Variants in OR9Q1 observed in about 807,000 individuals in gnomAD.
The protein encoded by OR9Q1 is olfactory receptor 9Q1.
For missense variants in OR9Q1, 374 were observed against 378.8 expected (o/e 0.99, Z 0.11); for synonymous variants, 153 against 148.6 (o/e 1.03, Z -0.22).
chr11:58,143,729 T>C (rs1362343581), intron 2 of OR9Q1, among the ~76,000 whole-genome samples: 1 of 151,934 alleles, frequency 6.6e-6, no homozygotes, highest in South Asian at 2.1e-4. Flanking sequence ...GGGGTGGCAT[T>C]AGGAAAAAAA....
At chr11:58,111,030 A>G (rs1372661606) in intron 2 of OR9Q1, among the ~76,000 whole-genome samples, 1 of 152,178 alleles carries the variant, frequency 6.6e-6, no homozygotes, top group Non-Finnish European at 1.5e-5. Flanking sequence ...TTTTGAGCCT[A>G]GGGATTTCAT....
At chr11:58,162,724 G>T (rs994422922) in intron 2 of OR9Q1, among the ~76,000 whole-genome samples, 2 of 152,166 alleles carry the variant, frequency 1.3e-5, no homozygotes, top group Admixed American at 6.5e-5. Context: ...CCAGGTGAGA[G>T]ACTAATGACA....
At chr11:58,087,365 T>C (rs1329321052) in intron 2 of OR9Q1, among the ~76,000 whole-genome samples, 1 of 151,852 alleles carries the variant, frequency 6.6e-6, no homozygotes, top group Non-Finnish European at 1.5e-5. Flanking sequence ...TTTATATACC[T>C]GGAATCATAC....
intron 1 of OR9Q1, among the ~76,000 whole-genome samples, chr11:58,029,066 G>A (rs2119905032): frequency 6.6e-6 from 1 of 152,336 alleles, no homozygotes; most frequent in East Asian, 1.9e-4. Flanking sequence ...CTTTATTTAT[G>A]TTACTGCATA....
At chr11:58,102,264 A>G (rs1211166980) in intron 2 of OR9Q1, among the ~76,000 whole-genome samples, 5 of 150,434 alleles carry the variant, frequency 3.3e-5, no homozygotes, top group African/African-American at 9.8e-5. Context: ...TACCCTTTTT[A>G]CCCTTTTTAA....
At chr11:58,032,342 G>A (rs1049365314) in intron 1 of OR9Q1, among the ~76,000 whole-genome samples, 1 of 152,090 alleles carries the variant, frequency 6.6e-6, no homozygotes, top group African/African-American at 2.4e-5. Flanking sequence ...AAATCTGGAG[G>A]CATTATATTA....
At chr11:58,156,297 C>T (rs1854407092) in intron 2 of OR9Q1, among the ~76,000 whole-genome samples, 1 of 152,164 alleles carries the variant, frequency 6.6e-6, no homozygotes, top group African/African-American at 2.4e-5. Context: ...AAGCACAAGC[C>T]TGTCCCCAAG....
intron 2 of OR9Q1, among the ~76,000 whole-genome samples, chr11:58,113,437 C>T (rs1433099581): frequency 6.6e-6 from 1 of 152,140 alleles, no homozygotes; most frequent in Non-Finnish European, 1.5e-5. Flanking sequence ...AGGACTGCTG[C>T]AGGACAGCCA....
At chr11:58,034,074 C>CTTTTTT (rs61109050) in intron 1 of OR9Q1, among the ~76,000 whole-genome samples, 4 of 61,116 alleles carry the variant, frequency 6.5e-5, no homozygotes, top group Non-Finnish European at 8.8e-5. Context: ...TCAGCACTTG[C>CTTTTTT]TTTTTTTTTT....
chr11:58,147,471 A>G (rs2119886164), intron 2 of OR9Q1, among the ~76,000 whole-genome samples: 1 of 152,318 alleles, frequency 6.6e-6, no homozygotes, highest in Non-Finnish European at 1.5e-5. Flanking sequence ...CTTCAAATGT[A>G]AAAACAAAGA....
intron 1 of OR9Q1, among the ~76,000 whole-genome samples, chr11:58,037,281 GACTAC>G (rs1853109100): frequency 6.6e-6 from 1 of 152,026 alleles, no homozygotes; most frequent in Admixed American, 6.6e-5. Flanking sequence ...ACACTTAATA[GACTAC>G]ACTATAGTGT....
intron 2 of OR9Q1, among the ~76,000 whole-genome samples, chr11:58,095,695 G>T (rs1853724348): frequency 6.6e-6 from 1 of 152,150 alleles, no homozygotes; most frequent in African/African-American, 2.4e-5. Flanking sequence ...TCACCACCAT[G>T]ATTCAATGAT....
At chr11:58,121,365 G>A (rs1854030866) in intron 2 of OR9Q1, among the ~76,000 whole-genome samples, 1 of 152,156 alleles carries the variant, frequency 6.6e-6, no homozygotes, top group Non-Finnish European at 1.5e-5. Flanking sequence ...GGGAGAGTGT[G>A]CATGGAAGCC....
chr11:58,110,301 T>C (rs1365181204), intron 2 of OR9Q1, among the ~76,000 whole-genome samples: 1 of 152,206 alleles, frequency 6.6e-6, no homozygotes, highest in Non-Finnish European at 1.5e-5. Flanking sequence ...CACTTTTATA[T>C]AGTTTCTTCT....
chr11:58,025,725 A>G (rs1177992853), intron 1 of OR9Q1, among the ~76,000 whole-genome samples: 1 of 152,202 alleles, frequency 6.6e-6, no homozygotes, highest in Admixed American at 6.5e-5. Context: ...GATTTCAGTT[A>G]GAAGGTGGTG....
chr11:58,118,533 G>A (rs368868026), intron 2 of OR9Q1: 5 of 1,611,636 alleles, frequency 3.1e-6, no homozygotes, highest in Non-Finnish European at 4.2e-6. Context: ...GTCTCCTAGC[G>A]ACCTTTCTGA....
intron 2 of OR9Q1, among the ~76,000 whole-genome samples, chr11:58,110,811 T>G (rs1051954558): frequency 6.6e-6 from 1 of 152,238 alleles, no homozygotes; most frequent in East Asian, 1.9e-4. Context: ...ATTCCCTTTC[T>G]GGTAGTGGAA....
At chr11:58,115,206 A>G (rs1000474534) in intron 2 of OR9Q1, among the ~76,000 whole-genome samples, 14 of 152,214 alleles carry the variant, frequency 9.2e-5, no homozygotes, top group African/African-American at 3.1e-4. Flanking sequence ...ATAATTAACA[A>G]TAACATATGT....
At chr11:58,140,492 G>A (rs1854236432) in intron 2 of OR9Q1, among the ~76,000 whole-genome samples, 1 of 152,104 alleles carries the variant, frequency 6.6e-6, no homozygotes, top group Admixed American at 6.5e-5. Context: ...TCCAGTTTCA[G>A]CTTTCTACAT....
Sources: allele counts gnomAD v4.1 joint callset (sites outside exome capture counted in the v4.1 genomes callset), GRCh38; gene constraint gnomAD v4.1.1; transcripts MANE v1.5; gene names NCBI Gene and HGNC (gene_info 2026-07-23, HGNC 2026-07-21).